Variants in PRKN observed in about 807,000 individuals in gnomAD.
The protein encoded by PRKN is parkin RBR E3 ubiquitin protein ligase, also known as E3 ubiquitin-protein ligase parkin.
Under a neutral mutation model 59.5 loss-of-function variants are expected in PRKN, and 56 were observed. The observed-to-expected ratio is 0.94, with a 90% confidence interval of 0.76 to 1.18. The LOEUF (loss-of-function observed/expected upper bound fraction) is 1.18, where lower values mean the gene tolerates loss of function less well. Among genes scored for constraint, PRKN ranks in the 50% most tolerant of loss-of-function variants. The pLI is 0.00. For missense variants in PRKN, 657 were observed against 596.4 expected, an observed-to-expected ratio of 1.10 and a Z score of -1.06; for synonymous variants, 250 against 222.1, an observed-to-expected ratio of 1.13 and a Z score of -1.12.
chr6:162,146,693 C>T (rs1006232691), intron 4 of PRKN, among the ~76,000 whole-genome samples: 3 of 151,816 alleles, frequency 2.0e-5, no homozygotes, highest in Admixed American at 6.6e-5. Flanking sequence ...TTAGTAGATA[C>T]GAGGTTTCAC....
At chr6:162,703,431 C>T (rs1778228486) in intron 1 of PRKN, among the ~76,000 whole-genome samples, 1 of 152,074 alleles carries the variant, frequency 6.6e-6, no homozygotes, top group African/African-American at 2.4e-5. Flanking sequence ...GTGGGTAAAA[C>T]CAAAACAGAT....
At chr6:162,256,380 T>C (rs927993626) in intron 3 of PRKN, among the ~76,000 whole-genome samples, 3 of 152,184 alleles carry the variant, frequency 2.0e-5, no homozygotes, top group African/African-American at 7.2e-5. Context: ...CCATTAGTCC[T>C]TATTTACTCA....
In PRKN at chr6:162,115,206, G is replaced by A. The variant is rs565552389; in HGVS notation, c.535-61032C>T. Among the ~76,000 whole-genome samples, 844 of 152,112 alleles carry A rather than the reference G, an allele frequency of 5.5e-3. 5 individuals carry two copies. Among genetic ancestry groups the A allele is most frequent in the African/African-American group, 0.019 (778 of 41,466 alleles). On this transcript the variant is annotated intron_variant, in intron 4 of 11. Transcript: ENST00000366898. ...TCATGTCCTTTGTAGGGACATGGATGAAACTGGAAATCATCATTCTCAGTA... is the reference window on the plus strand; with the variant it reads ...TCATGTCCTTTGTAGGGACATGGATAAAACTGGAAATCATCATTCTCAGTA...
intron 7 of PRKN, among the ~76,000 whole-genome samples, chr6:161,609,370 CAG>C (rs1420350051): frequency 1.3e-5 from 2 of 152,206 alleles, no homozygotes; most frequent in Middle Eastern, 3.4e-3. Flanking sequence ...AGTTCATTAA[CAG>C]TGTTTTTTTA....
chr6:162,079,356 C>A (rs1388956743), intron 4 of PRKN, among the ~76,000 whole-genome samples: 2 of 152,120 alleles, frequency 1.3e-5, no homozygotes, highest in Admixed American at 1.3e-4. Context: ...CAAATCCTGA[C>A]CTCTAGCTAG....
intron 7 of PRKN, among the ~76,000 whole-genome samples, chr6:161,740,010 C>T (rs1448847733): frequency 1.3e-5 from 2 of 152,200 alleles, no homozygotes; most frequent in African/African-American, 2.4e-5. Context: ...CCAGCTCGTC[C>T]TCCCAAAGTG....
At chr6:162,322,286 G>A (rs1055278524) in intron 2 of PRKN, among the ~76,000 whole-genome samples, 6 of 152,004 alleles carry the variant, frequency 3.9e-5, no homozygotes, top group Non-Finnish European at 7.4e-5. Context: ...ACATTGCTGA[G>A]TGATATTAAA....
chr6:162,153,965 C>G (rs182615384), intron 4 of PRKN, among the ~76,000 whole-genome samples: 1 of 152,136 alleles, frequency 6.6e-6, no homozygotes, highest in Non-Finnish European at 1.5e-5. Flanking sequence ...CGGGAGAGAG[C>G]GGGTAAGCAG....
At chr6:161,940,796 G>A (rs77947786) in intron 6 of PRKN, among the ~76,000 whole-genome samples, 1,535 of 152,264 alleles carry the variant, frequency 0.01, 32 homozygotes, top group African/African-American at 0.035. Context: ...CCCTGCAGGC[G>A]CACAATCTAC....
At chr6:161,852,908 A>C (rs1793496501) in intron 6 of PRKN, among the ~76,000 whole-genome samples, 1 of 152,176 alleles carries the variant, frequency 6.6e-6, no homozygotes, top group Non-Finnish European at 1.5e-5. Flanking sequence ...CAGAAACCAG[A>C]GGGAGGCCAG....
At position 161,445,545 on chromosome 6, in the gene PRKN, G is replaced by A. The variant is rs753656742; in HGVS notation, c.1084-58668C>T. Among the ~76,000 whole-genome samples the A allele has an allele frequency of 1.4e-4, 22 of 152,314 alleles. No individual in the cohort carries two copies. The highest frequency in any genetic ancestry group is 2.6e-4 in the Non-Finnish European group (18 of 68,022). ...CTCTTTTCCTGGACTTCAAGGCATC[G>A]AAGTGTCAGCTGGCTGCCATCCCAG... On this transcript the variant is annotated intron_variant, in intron 9 of 11. Coordinates refer to ENST00000366898, the MANE Select transcript of PRKN (RefSeq NM_004562.3). This position sits in a 1 kb window ranked among gnomAD's most constrained non-coding sequence, Gnocchi z 7.7.
chr6:161,852,008 A>G (rs1793457001), intron 6 of PRKN, among the ~76,000 whole-genome samples: 1 of 150,986 alleles, frequency 6.6e-6, no homozygotes, highest in African/African-American at 2.4e-5. Flanking sequence ...AATCTCTTGA[A>G]CCTGGGAGAC....
chr6:161,779,393 TCTTTC>T (rs927447949), intron 7 of PRKN, among the ~76,000 whole-genome samples: 16 of 151,150 alleles, frequency 1.1e-4, no homozygotes, highest in African/African-American at 3.2e-4. Flanking sequence ...TTGATCCTAT[TCTTTC>T]CTTTCCTTTC....
chr6:162,192,138 T>G (rs943949769), intron 4 of PRKN, among the ~76,000 whole-genome samples: 2 of 152,296 alleles, frequency 1.3e-5, no homozygotes, highest in East Asian at 1.9e-4. Context: ...TCAAGAAATA[T>G]TTCTCTTATA....
rs2115429944 is a variant in PRKN at position 161,550,304 on chromosome 6, GTGTTA to G, written c.934-1306_934-1302del. Among the ~76,000 whole-genome samples, 1 of 152,318 alleles carries G rather than the reference GTGTTA, an allele frequency of 6.6e-6. No homozygotes were observed. Among genetic ancestry groups the G allele is most frequent in the African/African-American group, 2.4e-5 (1 of 41,564 alleles). On this transcript the variant is annotated intron_variant, in intron 8 of 11. Transcript: ENST00000366898. The surrounding 1 kb of genome is among the most constrained non-coding windows in gnomAD (Gnocchi z 4.0). The stretch of plus-strand genomic sequence containing the variant: ...CTGACAGCTGCTTTCAGAACCCTGG[GTGTTA>G]TTCTGGAAGATACCAGAACCACTGC...
rs1296021097 is a variant in PRKN at position 161,582,705 on chromosome 6, G to C, written c.872-13289C>G. The stretch of plus-strand genomic sequence containing the variant: ...GCCTCCCAAAGTTCTGGGATTACAG[G>C]TGTGAGACACTGCGCCTGGCCTGCA... On this transcript the variant is annotated intron_variant, in intron 7 of 11. Transcript: ENST00000366898. The surrounding 1 kb of genome is among the most constrained non-coding windows in gnomAD (Gnocchi z 4.4). 6.6e-6 allele frequency among the ~76,000 whole-genome samples: 1 copy of C among 152,050 alleles called. No individual in the cohort carries two copies. The highest frequency in any genetic ancestry group is 1.9e-4 in the East Asian group (1 of 5,186).
At chr6:162,617,221 A>G (rs1483937268) in intron 1 of PRKN, among the ~76,000 whole-genome samples, 1 of 152,128 alleles carries the variant, frequency 6.6e-6, no homozygotes, top group Non-Finnish European at 1.5e-5. Flanking sequence ...TTAGAAATAT[A>G]TAATACATTA....
At chr6:162,505,793 G>A (rs1793583591) in intron 1 of PRKN, among the ~76,000 whole-genome samples, 1 of 151,968 alleles carries the variant, frequency 6.6e-6, no homozygotes, top group Admixed American at 6.6e-5. Context: ...CTGGAAAACT[G>A]TGAGTATTTG....
chr6:162,633,888 G>T (rs777205193), intron 1 of PRKN, among the ~76,000 whole-genome samples: 6 of 152,238 alleles, frequency 3.9e-5, no homozygotes, highest in Non-Finnish European at 2.9e-5. Context: ...TTCTAGGTGT[G>T]AGGGAATTTA....
Sources: allele counts gnomAD v4.1 joint callset (sites outside exome capture counted in the v4.1 genomes callset), GRCh38; gene constraint gnomAD v4.1.1; non-coding constraint Gnocchi (gnomAD v3.1); transcripts MANE v1.5; gene names NCBI Gene and HGNC (gene_info 2026-07-23, HGNC 2026-07-21).